The following RAPGEF1 variants were observed in gnomAD, a reference collection of about 807,000 sequenced individuals.
The protein encoded by RAPGEF1 is CRK SH3-binding GNRP.
A neutral mutation model predicts 143.3 loss-of-function variants in RAPGEF1; 33 were observed. That is an observed-to-expected ratio of 0.23 (90% confidence interval 0.17 to 0.31). The LOEUF is 0.31. Ranked by LOEUF, RAPGEF1 falls within the 10% of genes least tolerant of loss-of-function variation. The pLI, the probability that RAPGEF1 is intolerant of heterozygous loss-of-function variation, is 1.00. For missense variants in RAPGEF1, 1,199 were observed against 1,645.4 expected, an observed-to-expected ratio of 0.73 and a Z score of 4.69; for synonymous variants, 629 against 676.5, an observed-to-expected ratio of 0.93 and a Z score of 1.09.
intron 10 of RAPGEF1, 21 bp from the exon 11 acceptor site, chr9:131,622,019 C>A (rs772323397): frequency 1.2e-6 from 2 of 1,606,390 alleles, no homozygotes; most frequent in South Asian, 2.2e-5. Context: ...AGGGAGAAAG[C>A]TGCAGCGAGG....
At chr9:131,701,519 C>T (rs992548033) in intron 1 of RAPGEF1, among the ~76,000 whole-genome samples, 1 of 152,170 alleles carries the variant, frequency 6.6e-6, no homozygotes, top group African/African-American at 2.4e-5. Flanking sequence ...AAATAGGAAG[C>T]CACTGGCATT....
chr9:131,597,867 T>G (rs11243444), intron 16 of RAPGEF1, among the ~76,000 whole-genome samples: 1 of 152,054 alleles, frequency 6.6e-6, no homozygotes, highest in Non-Finnish European at 1.5e-5. Context: ...TTCCCATTAG[T>G]GAGGGCCGGC....
At chr9:131,635,220 T>C (rs1329793703) in intron 5 of RAPGEF1, among the ~76,000 whole-genome samples, 1 of 152,182 alleles carries the variant, frequency 6.6e-6, no homozygotes. Flanking sequence ...CTTTATATAC[T>C]TTATCTTACT....
rs1832154687 is a variant in RAPGEF1 at position 131,675,378 on chromosome 9, GCTTC to G, written c.62-24433_62-24430del. Among the ~76,000 whole-genome samples, 1 of 152,202 alleles carries G rather than the reference GCTTC, an allele frequency of 6.6e-6. No homozygotes were observed. Among genetic ancestry groups the G allele is most frequent in the Admixed American group, 6.5e-5 (1 of 15,290 alleles). On this transcript the variant is annotated intron_variant, in intron 1 of 26. Transcript: ENST00000683357. The surrounding 1 kb of genome is among the most constrained non-coding windows in gnomAD (Gnocchi z 4.6). ...CTCTGCGGGAGCAGGGAGCCCGGCAGCTTCCTGCGGGTGCCGGGACGTGCCGTCC... is the reference window on the plus strand; with the variant it reads ...CTCTGCGGGAGCAGGGAGCCCGGCAGCTGCGGGTGCCGGGACGTGCCGTCC...
intron 1 of RAPGEF1, among the ~76,000 whole-genome samples, chr9:131,673,473 A>G (rs1279880244): frequency 6.6e-6 from 1 of 152,244 alleles, no homozygotes; most frequent in Non-Finnish European, 1.5e-5. Context: ...AGTTATCTTT[A>G]AAGTTCTTTG....
chr9:131,648,268 G>A (rs1970194296), intron 3 of RAPGEF1, among the ~76,000 whole-genome samples: 1 of 152,206 alleles, frequency 6.6e-6, no homozygotes, highest in African/African-American at 2.4e-5. Context: ...GAGGACGCCT[G>A]TAGTCCCAGC....
intron 1 of RAPGEF1, among the ~76,000 whole-genome samples, chr9:131,736,929 A>AGTGGG (rs1264696538): frequency 6.6e-6 from 1 of 152,180 alleles, no homozygotes; most frequent in Non-Finnish European, 1.5e-5. Context: ...GAGACTGAAT[A>AGTGGG]GTGGGAAGTC....
At chr9:131,580,208 T>C in intron 26 of RAPGEF1, 55 bp downstream of exon 26, 2 of 1,602,498 alleles carry the variant, frequency 1.2e-6, no homozygotes, top group African/African-American at 2.7e-5. Flanking sequence ...TGTCTCTCCT[T>C]GTGTGTGGCC....
At chr9:131,695,240 C>T (rs1834077059) in intron 1 of RAPGEF1, among the ~76,000 whole-genome samples, 1 of 152,166 alleles carries the variant, frequency 6.6e-6, no homozygotes, top group Admixed American at 6.5e-5. Context: ...CAGGGACTGC[C>T]TGGTTCCAAT....
intron 1 of RAPGEF1, among the ~76,000 whole-genome samples, chr9:131,658,174 A>G (rs1456674377): frequency 6.6e-6 from 1 of 152,230 alleles, no homozygotes; most frequent in Admixed American, 6.5e-5. Flanking sequence ...TATATGCCAC[A>G]TTGATTCTTA....
chr9:131,635,027 G>A (rs1293372443), intron 5 of RAPGEF1, among the ~76,000 whole-genome samples: 4 of 152,184 alleles, frequency 2.6e-5, no homozygotes, highest in Non-Finnish European at 4.4e-5. Flanking sequence ...GCTCCCGGTG[G>A]AAAAGCAGCC....
rs987242368 is a variant in RAPGEF1, at chr9:131,626,251, T to C, written c.1373A>G (p.Asp458Gly). ...QLPLGGHPQP[D>G]GPLAPGQQTD... Reference sequence around the variant, plus strand: ...CTGCTGCCCTGGGGCCAGAGGTCCGTCTGGCTGGGGATGGCCGCCAAGAGG... The same window carrying C: ...CTGCTGCCCTGGGGCCAGAGGTCCGCCTGGCTGGGGATGGCCGCCAAGAGG... Residue 458 changes from aspartate to glycine, a missense_variant, in exon 10 of 27, where the codon GAC becomes GGC. Physicochemically the swap from Asp to Gly is moderately conservative, Grantham distance 94 (BLOSUM62 -1). Coordinates refer to ENST00000683357, the MANE Select transcript of RAPGEF1 (RefSeq NM_001377935.1). 3.1e-6 allele frequency: 5 copies of C among 1,613,842 alleles called. No homozygotes were observed. In the Admixed American group the frequency reaches 6.7e-5, roughly 22 times the overall value.
intron 1 of RAPGEF1, among the ~76,000 whole-genome samples, chr9:131,683,166 T>C (rs1016224243): frequency 1.3e-5 from 2 of 152,214 alleles, no homozygotes; most frequent in African/African-American, 4.8e-5. Flanking sequence ...AAGAACTGCT[T>C]CAAGTGGAAA....
chr9:131,623,172 G>C (rs1332993856), intron 10 of RAPGEF1, among the ~76,000 whole-genome samples: 2 of 152,140 alleles, frequency 1.3e-5, no homozygotes, highest in African/African-American at 4.8e-5. Context: ...TCCCTAAAAA[G>C]ACTAAATATG....
intron 4 of RAPGEF1, among the ~76,000 whole-genome samples, chr9:131,642,011 C>G (rs1390149344): frequency 6.6e-6 from 1 of 152,236 alleles, no homozygotes; most frequent in East Asian, 1.9e-4. Flanking sequence ...ACTAAGTCAT[C>G]TTGCGGAATT....
Position 131,605,066 on chromosome 9 carries a change from C to G in RAPGEF1, c.2184G>C (p.Gln728His). The stretch of plus-strand genomic sequence containing the variant: ...TGGTTGGCACGGCTAAGTCAGAGCT[C>G]TGAGACTGGTGGGCAGGTGGGAAAT... ...SPHFPPAHQS[Q>H]SSDLAVPTMA... Residue 728 changes from glutamine (Q) to histidine (H), a missense_variant, in exon 13 of 27, where the codon CAG becomes CAC. Coordinates refer to ENST00000683357, the MANE Select transcript of RAPGEF1 (RefSeq NM_001377935.1). 7.3e-7 allele frequency: 1 copy of G among 1,365,526 alleles called. No homozygotes were observed. The highest frequency in any genetic ancestry group is 1.1e-5 in the South Asian group (1 of 87,654). 84.6% of individuals were successfully genotyped at this position (1,365,526 alleles called of 1,614,324 possible).
chr9:131,608,024 G>C (rs1564513137), intron 12 of RAPGEF1, among the ~76,000 whole-genome samples: 1 of 152,222 alleles, frequency 6.6e-6, no homozygotes, highest in East Asian at 1.9e-4. Context: ...CAGGGCAGCG[G>C]CTGACTGCAA....
At chr9:131,737,539 C>T in intron 1 of RAPGEF1, 1 of 1,608,758 alleles carries the variant, frequency 6.2e-7, no homozygotes, top group Non-Finnish European at 8.5e-7. Flanking sequence ...CCAGAAAAGG[C>T]CCAAGGACAA....
chr9:131,658,638 G>C (rs374769180), intron 1 of RAPGEF1, among the ~76,000 whole-genome samples: 1 of 152,220 alleles, frequency 6.6e-6, no homozygotes, highest in East Asian at 1.9e-4. Context: ...GCTGTCGGAT[G>C]AATGTCCTTC....
Sources: allele counts gnomAD v4.1 joint callset (sites outside exome capture counted in the v4.1 genomes callset), GRCh38; gene constraint gnomAD v4.1.1; non-coding constraint Gnocchi (gnomAD v3.1); transcripts MANE v1.5; gene names NCBI Gene and HGNC (gene_info 2026-07-23, HGNC 2026-07-21).